TBC1D32: variants seen among roughly 807,000 people sequenced by gnomAD.
The protein encoded by TBC1D32 is protein broad-minded.
Under a neutral mutation model 170.3 loss-of-function variants are expected in TBC1D32, and 151 were observed. That is an observed-to-expected ratio of 0.89 (90% CI 0.78 to 1.01). The LOEUF (loss-of-function observed/expected upper bound fraction) is 1.01. TBC1D32 is among the 50% of genes least tolerant of loss of function. The pLI, the probability that TBC1D32 is intolerant of heterozygous loss-of-function variation, is 0.00. For missense variants in TBC1D32, 1,464 were observed against 1,457.1 expected (o/e 1.00, Z -0.08); for synonymous variants, 498 against 488.0 (o/e 1.02, Z -0.27).
At chr6:121,291,104 C>G (rs1244027119) in intron 12 of TBC1D32, among the ~76,000 whole-genome samples, 1 of 151,648 alleles carries the variant, frequency 6.6e-6, no homozygotes, top group Non-Finnish European at 1.5e-5. Context: ...ACATATGTAA[C>G]TAACCTGCAC....
intron 20 of TBC1D32, 59 bp from the exon 21 acceptor site, chr6:121,223,411 G>A: frequency 6.2e-6 from 7 of 1,125,638 alleles, no homozygotes; most frequent in East Asian, 2.4e-5. Flanking sequence ...CATCCATGGA[G>A]AGTCATTAAT....
intron 1 of TBC1D32, among the ~76,000 whole-genome samples, chr6:121,327,949 T>C (rs1353769483): frequency 6.6e-6 from 1 of 152,178 alleles, no homozygotes; most frequent in Non-Finnish European, 1.5e-5. Flanking sequence ...ATGTTTAAAA[T>C]TTCTATTCAA....
At chr6:121,307,952 A>G (rs1288183336) in intron 5 of TBC1D32, 24 bp downstream of exon 5, 1 of 1,593,946 alleles carries the variant, frequency 6.3e-7, no homozygotes, top group African/African-American at 1.4e-5. Context: ...ATTATTTTTA[A>G]TATTTCTATA....
At chr6:121,153,824 A>G (rs1784505310) in intron 24 of TBC1D32, among the ~76,000 whole-genome samples, 1 of 151,970 alleles carries the variant, frequency 6.6e-6, no homozygotes, top group Admixed American at 6.6e-5. Flanking sequence ...AGCCTTAATA[A>G]GGTGGATGCC....
At chr6:121,213,524 T>TAAATAAAATA (rs1554271961) in intron 21 of TBC1D32, among the ~76,000 whole-genome samples, 357 of 31,116 alleles carry the variant, frequency 0.011, 5 homozygotes, top group Admixed American at 0.046. Context: ...TAAAATAAAA[T>TAAATAAAATA]AAATAAAATA....
chr6:121,098,098 T>C (rs1010649480), intron 30 of TBC1D32, among the ~76,000 whole-genome samples: 1 of 151,776 alleles, frequency 6.6e-6, no homozygotes, highest in African/African-American at 2.4e-5. Flanking sequence ...CTAATGTAGA[T>C]GATGGGTTGA....
At chr6:121,226,474 G>A (rs1292393218) in intron 20 of TBC1D32, among the ~76,000 whole-genome samples, 4 of 151,936 alleles carry the variant, frequency 2.6e-5, no homozygotes, top group Non-Finnish European at 5.9e-5. Flanking sequence ...GAAAAGTAGT[G>A]GGAATTAAAT....
chr6:121,253,301 T>C (rs1220398343), intron 17 of TBC1D32, among the ~76,000 whole-genome samples: 1 of 151,272 alleles, frequency 6.6e-6, no homozygotes, highest in Non-Finnish European at 1.5e-5. Flanking sequence ...GCAAAGGACA[T>C]GAAGAAACAA....
chr6:121,325,646 C>G (rs1422234426), intron 1 of TBC1D32, among the ~76,000 whole-genome samples: 1 of 152,112 alleles, frequency 6.6e-6, no homozygotes, highest in East Asian at 1.9e-4. Context: ...AAGACTTAAA[C>G]GTAAGACCTA....
intron 30 of TBC1D32, among the ~76,000 whole-genome samples, chr6:121,098,083 A>G (rs998943166): frequency 5.3e-5 from 8 of 151,834 alleles, no homozygotes; most frequent in Non-Finnish European, 1.0e-4. Context: ...CATTAGGAGA[A>G]ATACCTAATG....
intron 17 of TBC1D32, among the ~76,000 whole-genome samples, chr6:121,254,613 G>A (rs1359061252): frequency 6.0e-5 from 2 of 33,312 alleles, no homozygotes; most frequent in African/African-American, 1.4e-4. Context: ...AAATGCAGAA[G>A]GCTTTTTGAT....
Position 121,304,430 on chromosome 6 carries a change from C to T in TBC1D32, c.874-4G>A. ...GATATTCATTTAGAAGACGAACCTACAAAGCAGTGCACAATAGTTCTCAAA... is the reference window on the plus strand; with the variant it reads ...GATATTCATTTAGAAGACGAACCTATAAAGCAGTGCACAATAGTTCTCAAA... On this transcript the variant is annotated splice_region_variant and splice_polypyrimidine_tract_variant and intron_variant, in intron 7 of 31. Coordinates refer to ENST00000398212, the MANE Select transcript of TBC1D32 (RefSeq NM_152730.6). 1 of 1,612,776 alleles carries T rather than the reference C, an allele frequency of 6.2e-7. No individual in the cohort carries two copies. The highest frequency in any genetic ancestry group is 1.1e-5 in the South Asian group (1 of 90,898).
intron 18 of TBC1D32, 88 bp from the exon 19 acceptor site, chr6:121,241,640 A>C: frequency 9.5e-7 from 1 of 1,054,164 alleles, no homozygotes; most frequent in South Asian, 1.4e-5. Flanking sequence ...AGAACTGCAA[A>C]AACAAACTCT....
At chr6:121,098,616 G>A (rs1339662659) in intron 30 of TBC1D32, among the ~76,000 whole-genome samples, 2 of 151,944 alleles carry the variant, frequency 1.3e-5, no homozygotes, top group Non-Finnish European at 2.9e-5. Flanking sequence ...GAAAATCAAG[G>A]GACCTGAAGT....
intron 22 of TBC1D32, among the ~76,000 whole-genome samples, chr6:121,179,940 C>T (rs1244669194): frequency 6.6e-6 from 1 of 152,038 alleles, no homozygotes; most frequent in Non-Finnish European, 1.5e-5. Context: ...AATGTGCTTC[C>T]AGTGTCCATG....
intron 22 of TBC1D32, among the ~76,000 whole-genome samples, chr6:121,182,796 C>T (rs1011129059): frequency 1.3e-5 from 2 of 151,018 alleles, no homozygotes; most frequent in African/African-American, 4.9e-5. Context: ...CCCAAATTTC[C>T]CAATTATGAA....
chr6:121,179,413 A>G (rs947428693), intron 22 of TBC1D32, among the ~76,000 whole-genome samples: 3 of 151,750 alleles, frequency 2.0e-5, no homozygotes, highest in African/African-American at 7.2e-5. Flanking sequence ...TAACCAATGA[A>G]GCATTACCAT....
intron 25 of TBC1D32, among the ~76,000 whole-genome samples, chr6:121,127,440 A>T (rs1292402815): frequency 1.3e-5 from 2 of 152,174 alleles, no homozygotes; most frequent in Non-Finnish European, 2.9e-5. Context: ...TTCAAAGTTG[A>T]ATAAGTATTA....
intron 24 of TBC1D32, among the ~76,000 whole-genome samples, chr6:121,149,406 C>A (rs1212468163): frequency 2.6e-5 from 4 of 152,140 alleles, no homozygotes; most frequent in African/African-American, 9.7e-5. Context: ...ACATTTAAAT[C>A]TTTAATCTAT....
Sources: gnomAD v4.1 joint callset for allele counts (sites outside exome capture counted in the v4.1 genomes callset) on GRCh38, gnomAD v4.1.1 for gene constraint, MANE v1.5 for transcripts, NCBI Gene and HGNC (gene_info 2026-07-23, HGNC 2026-07-21) for gene names.